The following CPA6 variants were observed in gnomAD, a reference collection of about 807,000 sequenced individuals.
CPA6 encodes carboxypeptidase B.
Under a neutral mutation model 63.3 loss-of-function variants are expected in CPA6, and 58 were observed. The ratio of observed to expected loss-of-function variants is 0.92; its 90% confidence interval spans 0.74 to 1.14. The LOEUF (loss-of-function observed/expected upper bound fraction) is 1.14, where lower values mean the gene tolerates loss of function less well. Among genes scored for constraint, CPA6 ranks in the 50% most tolerant of loss-of-function variants. CPA6 has a pLI of 0.00. For missense variants in CPA6, 565 were observed against 526.6 expected (o/e 1.07, Z -0.71); for synonymous variants, 185 against 179.0 (o/e 1.03, Z -0.27).
At chr8:67,538,512 GTTTTTTT>G (rs139665944) in intron 2 of CPA6, among the ~76,000 whole-genome samples, 3 of 90,772 alleles carry the variant, frequency 3.3e-5, no homozygotes, top group Non-Finnish European at 6.3e-5. Context: ...TGCAACCCCT[GTTTTTTT>G]TTTTTTTTTT....
At chr8:67,653,801 G>C (rs1244437646) in intron 1 of CPA6, among the ~76,000 whole-genome samples, 3 of 152,148 alleles carry the variant, frequency 2.0e-5, no homozygotes, top group Non-Finnish European at 4.4e-5. Flanking sequence ...TGGTGAGAGA[G>C]GGCATCCTTT....
intron 2 of CPA6, among the ~76,000 whole-genome samples, chr8:67,619,082 C>T (rs1815021539): frequency 6.6e-6 from 1 of 152,228 alleles, no homozygotes; most frequent in Non-Finnish European, 1.5e-5. Flanking sequence ...AGTCTCTTCT[C>T]AGATTCCGTT....
intron 2 of CPA6, among the ~76,000 whole-genome samples, chr8:67,547,785 T>C (rs7013762): frequency 0.69 from 104,263 of 152,118 alleles, 35,971 homozygotes; most frequent in East Asian, 0.75. Context: ...TGAGTCAACA[T>C]GCTTGGCCCC....
chr8:67,611,762 C>T (rs1291381664), intron 2 of CPA6, among the ~76,000 whole-genome samples: 2 of 152,204 alleles, frequency 1.3e-5, no homozygotes, highest in Non-Finnish European at 2.9e-5. Flanking sequence ...CCCAGTGACA[C>T]TTACTCTCTG....
At chr8:67,665,731 A>G (rs6993502) in intron 1 of CPA6, among the ~76,000 whole-genome samples, 4,560 of 152,272 alleles carry the variant, frequency 0.03, 87 homozygotes, top group African/African-American at 0.046. Flanking sequence ...TGATTCTCAA[A>G]CATGCAGGCA....
chr8:67,518,869 C>T (rs1812204385), intron 2 of CPA6, among the ~76,000 whole-genome samples: 1 of 152,076 alleles, frequency 6.6e-6, no homozygotes, highest in African/African-American at 2.4e-5. Flanking sequence ...TCTCCAATTC[C>T]TACTCAGCCT....
intron 1 of CPA6, among the ~76,000 whole-genome samples, chr8:67,664,105 T>C (rs1349829807): frequency 6.6e-6 from 1 of 152,224 alleles, no homozygotes; most frequent in East Asian, 1.9e-4. Flanking sequence ...TTTATAGACA[T>C]TCATTCATTG....
intron 1 of CPA6, among the ~76,000 whole-genome samples, chr8:67,712,905 T>C (rs1391424121): frequency 6.6e-6 from 1 of 151,688 alleles, no homozygotes; most frequent in Non-Finnish European, 1.5e-5. Context: ...TCTTGGTTAT[T>C]AGGTCCACTG....
intron 8 of CPA6, among the ~76,000 whole-genome samples, chr8:67,475,914 C>A: frequency 1.1e-5 from 1 of 92,314 alleles, no homozygotes; most frequent in Non-Finnish European, 2.1e-5. Context: ...TTCTTTCTTT[C>A]TTTCTTTCTT....
chr8:67,746,106 C>T lies in CPA6; in HGVS notation c.24G>A (p.Arg8=), dbSNP rs777248963. ...GAGGCAGGAAAGCAGCTGCCTGGCCCCTGCGCTTCCCGAGACACTTCATAG... is the reference window on the plus strand; with the variant it reads ...GAGGCAGGAAAGCAGCTGCCTGGCCTCTGCGCTTCCCGAGACACTTCATAG... MKCLGKR[R]GQAAAFLPLC... is the part of the protein sequence containing the mutation. The change falls in exon 1 of 11, where the codon AGG becomes AGA. Residue 8 remains arginine (R), a synonymous_variant. Transcript: ENST00000297770. The T allele has an allele frequency of 6.2e-6, 10 of 1,613,504 alleles. No individual in the cohort carries two copies. Among genetic ancestry groups the T allele is most frequent in the Non-Finnish European group, 8.5e-6 (10 of 1,179,682 alleles).
At chr8:67,735,835 C>A (rs1342320999) in intron 1 of CPA6, among the ~76,000 whole-genome samples, 1 of 152,136 alleles carries the variant, frequency 6.6e-6, no homozygotes, top group Admixed American at 6.5e-5. Context: ...CATGAGCATG[C>A]TGTTACCTTT....
intron 1 of CPA6, among the ~76,000 whole-genome samples, chr8:67,661,026 CT>C (rs972754087): frequency 1.3e-5 from 2 of 152,142 alleles, no homozygotes; most frequent in Non-Finnish European, 2.9e-5. Flanking sequence ...TAGTTCATCC[CT>C]TTAGTCATTT....
At chr8:67,600,079 A>G (rs1035743912) in intron 2 of CPA6, among the ~76,000 whole-genome samples, 8 of 150,812 alleles carry the variant, frequency 5.3e-5, no homozygotes, top group African/African-American at 1.9e-4. Flanking sequence ...TTTTTTTTTA[A>G]TTTTCAAGGT....
intron 2 of CPA6, among the ~76,000 whole-genome samples, chr8:67,590,304 C>G (rs1322510391): frequency 6.6e-5 from 10 of 151,254 alleles, no homozygotes; most frequent in South Asian, 2.1e-4. Context: ...GGACATTTGG[C>G]TTGGTTCCAA....
intron 8 of CPA6, chr8:67,452,165 G>A (rs1216558017): frequency 6.6e-6 from 1 of 152,210 alleles, no homozygotes; most frequent in African/African-American, 2.4e-5. Flanking sequence ...ACAACAGGAA[G>A]GTTTTAAGGA....
At chr8:67,468,547 T>C (rs1810981565) in intron 8 of CPA6, among the ~76,000 whole-genome samples, 3 of 150,450 alleles carry the variant, frequency 2.0e-5, no homozygotes, top group Admixed American at 6.6e-5. Context: ...GATCGCGTCA[T>C]TGCACCTGGG....
intron 8 of CPA6, among the ~76,000 whole-genome samples, chr8:67,463,803 C>G (rs1332092055): frequency 6.6e-6 from 1 of 152,174 alleles, no homozygotes; most frequent in Non-Finnish European, 1.5e-5. Flanking sequence ...CATTAATTTG[C>G]TTAGGATAAT....
chr8:67,552,421 T>C lies in CPA6; in HGVS notation c.193-34374A>G, dbSNP rs561088280. 1.7e-3 allele frequency among the ~76,000 whole-genome samples: 259 copies of C among 152,234 alleles called. 1 individual carries two copies. The highest frequency in any genetic ancestry group is 6.0e-3 in the African/African-American group (248 of 41,554). On this transcript the variant is annotated intron_variant, in intron 2 of 10. Transcript: ENST00000297770. ...AGTATAGGTGCTCAATATATATCAA[T>C]GGGGTTAATACAAAACACAAATTAA...
chr8:67,434,645 C>T (rs1050799529), intron 8 of CPA6, among the ~76,000 whole-genome samples: 3 of 152,222 alleles, frequency 2.0e-5, no homozygotes, highest in Admixed American at 6.5e-5. Context: ...CCCTGCTGCC[C>T]GCTGGAGCCC....
Sources: gnomAD v4.1 joint callset for allele counts (sites outside exome capture counted in the v4.1 genomes callset) on GRCh38, gnomAD v4.1.1 for gene constraint, MANE v1.5 for transcripts, NCBI Gene and HGNC (gene_info 2026-07-23, HGNC 2026-07-21) for gene names.